The following SORD variants were observed in gnomAD, a reference collection of about 807,000 sequenced individuals.
SORD encodes the protein (R,R)-butanediol dehydrogenase.
SORD carries 18 observed loss-of-function variants against 35.6 expected under a neutral mutation model. The ratio of observed to expected loss-of-function variants is 0.51; its 90% CI spans 0.35 to 0.75. The LOEUF (loss-of-function observed/expected upper bound fraction) is 0.75. Ranked by LOEUF, SORD falls within the 30% of genes least tolerant of loss-of-function variation. The probability of loss-of-function intolerance (pLI) is 0.01; values close to 1 mark genes in which losing one functional copy is unlikely to be tolerated. For synonymous variants in SORD, 106 were observed against 152.9 expected, an observed-to-expected ratio of 0.69 and a Z score of 2.26; for missense variants, 250 against 390.2, an observed-to-expected ratio of 0.64 and a Z score of 3.03.
intron 3 of SORD, among the ~76,000 whole-genome samples, chr15:45,054,412 T>G (rs1375025398): frequency 1.3e-5 from 2 of 152,246 alleles, no homozygotes; most frequent in Admixed American, 1.3e-4. Context: ...TGAGCATCTT[T>G]TCATGTGTTT....
chr15:45,034,215 T>C (rs941499878), intron 1 of SORD, among the ~76,000 whole-genome samples: 2 of 152,000 alleles, frequency 1.3e-5, no homozygotes, highest in Admixed American at 6.6e-5. Flanking sequence ...AAGGAGGAAA[T>C]TGGGGCACAC....
intron 3 of SORD, among the ~76,000 whole-genome samples, chr15:45,053,163 TGAC>T (rs1228007782): frequency 6.6e-6 from 1 of 152,202 alleles, no homozygotes; most frequent in Admixed American, 6.5e-5. Context: ...CCGCTGATGA[TGAC>T]AAGTAAGGGA....
intron 3 of SORD, among the ~76,000 whole-genome samples, chr15:45,054,296 T>A (rs2058557531): frequency 6.6e-6 from 1 of 152,128 alleles, no homozygotes; most frequent in East Asian, 1.9e-4. Context: ...ACACATTCTC[T>A]CCAGCACCTG....
chr15:45,026,996 TA>T (rs145815326), intron 1 of SORD, among the ~76,000 whole-genome samples: 17 of 151,842 alleles, frequency 1.1e-4, no homozygotes, highest in African/African-American at 4.1e-4. Context: ...AACAAAAAAT[TA>T]AACTCCTCAC....
At chr15:45,061,813 G>C (rs1417271798) in intron 4 of SORD, among the ~76,000 whole-genome samples, 6 of 151,982 alleles carry the variant, frequency 3.9e-5, no homozygotes, top group Admixed American at 6.6e-5. Context: ...AGGTTGCAGT[G>C]AGCCGAGATG....
chr15:45,040,810 G>A (rs1892954470), intron 2 of SORD, among the ~76,000 whole-genome samples: 1 of 152,212 alleles, frequency 6.6e-6, no homozygotes, highest in Admixed American at 6.5e-5. Flanking sequence ...GTGGCCAAGT[G>A]TCCTAACCCT....
intron 1 of SORD, among the ~76,000 whole-genome samples, chr15:45,029,352 T>G (rs73421328): frequency 0.013 from 1,715 of 135,974 alleles, no homozygotes; most frequent in African/African-American, 0.053. Flanking sequence ...GCAAGCTTTT[T>G]CTTGGCCCCT....
chr15:45,031,637 T>G (rs1595495139), intron 1 of SORD, among the ~76,000 whole-genome samples: 1 of 152,382 alleles, frequency 6.6e-6, no homozygotes, highest in South Asian at 2.1e-4. Flanking sequence ...TAAAATTAAT[T>G]TTGGTGACAG....
At chr15:45,034,737 T>C (rs879544441) in intron 1 of SORD, among the ~76,000 whole-genome samples, 11 of 152,220 alleles carry the variant, frequency 7.2e-5, no homozygotes, top group Non-Finnish European at 1.6e-4. Flanking sequence ...TTGGCGGCAC[T>C]TGAGAAGCCC....
chr15:45,073,466 C>T lies in SORD; in HGVS notation c.1010C>T (p.Thr337Ile). 1.3e-6 allele frequency: 2 copies of T among 1,571,614 alleles called. No homozygotes were observed. Among genetic ancestry groups the T allele is most frequent in the South Asian group, 1.2e-5 (1 of 86,164 alleles). ...PLEKALEAFETFKKGLGLKIM... is the reference protein window; with the variant it reads ...PLEKALEAFEIFKKGLGLKIM... ...GAGAAAGCTCTGGAGGCCTTTGAAACATTTAAAAAGGGATTGGGGTTGAAA... is the reference window on the plus strand; with the variant it reads ...GAGAAAGCTCTGGAGGCCTTTGAAATATTTAAAAAGGGATTGGGGTTGAAA... The change falls in exon 9 of 9, where the codon ACA (threonine) becomes ATA (isoleucine). Residue 337 changes from threonine (T) to isoleucine (I), a missense_variant. Physicochemically the swap from Thr to Ile is moderately conservative, Grantham distance 89 (BLOSUM62 -1). This residue lies in a region of SORD where 17 missense variants were observed against 26.2 expected (regional missense o/e 0.65). Transcript: ENST00000267814.
At chr15:45,062,005 A>G (rs1451776860) in intron 4 of SORD, among the ~76,000 whole-genome samples, 1 of 151,976 alleles carries the variant, frequency 6.6e-6, no homozygotes, top group African/African-American at 2.4e-5. Context: ...CTGGCAAGTG[A>G]TTTTGGAGAA....
At chr15:45,034,619 T>C (rs1892830567) in intron 1 of SORD, among the ~76,000 whole-genome samples, 1 of 152,224 alleles carries the variant, frequency 6.6e-6, no homozygotes, top group Admixed American at 6.5e-5. Flanking sequence ...AGTGGGCTGG[T>C]AGGGCAGCGG....
rs1194520748 is a variant in SORD at position 45,068,938 on chromosome 15, C to T, written c.672C>T (p.Ile224=). Residue 224 remains isoleucine, a synonymous_variant, in exon 7 of 9, where the codon ATC becomes ATT. Transcript: ENST00000267814. Reference sequence around the variant, plus strand: ...TTGGGGCTGATTTAGTCCTCCAGATCTCCAAGGAGAGCCCTCAGGAAATCG... The same window carrying T: ...TTGGGGCTGATTTAGTCCTCCAGATTTCCAAGGAGAGCCCTCAGGAAATCG... ...KEIGADLVLQ[I]SKESPQEIAR... is the part of the protein sequence containing the mutation. The T allele has an allele frequency of 3.1e-6, 5 of 1,589,296 alleles. No homozygotes were observed. Among genetic ancestry groups the T allele is most frequent in the African/African-American group, 2.7e-5 (2 of 72,936 alleles).
chr15:45,034,837 G>A (rs1204145245), intron 1 of SORD, among the ~76,000 whole-genome samples: 3 of 152,254 alleles, frequency 2.0e-5, no homozygotes, highest in African/African-American at 7.2e-5. Context: ...TGTGGAGAGA[G>A]AGGCGCGAGC....
At chr15:45,038,124 C>CT (rs1892899614) in intron 1 of SORD, among the ~76,000 whole-genome samples, 1 of 145,322 alleles carries the variant, frequency 6.9e-6, no homozygotes, top group Non-Finnish European at 1.5e-5. Context: ...CCCTCGCATC[C>CT]TCCCTTCCTT....
intron 1 of SORD, among the ~76,000 whole-genome samples, chr15:45,030,933 A>C (rs1348288869): frequency 1.3e-5 from 2 of 152,270 alleles, no homozygotes; most frequent in African/African-American, 2.4e-5. Context: ...GACTCCGACC[A>C]GGAGCCCAGA....
chr15:45,065,416 G>A lies in SORD; in HGVS notation c.544+27G>A, dbSNP rs370903658. ...TAAGAAACAGAAGCCACCCTGTTGC[G>A]GGTTCATTGACTGGGAATTCAGGGA... On this transcript the variant is annotated intron_variant, in intron 5 of 8. Transcript: ENST00000267814. 295 of 1,575,462 alleles carry A rather than the reference G, an allele frequency of 1.9e-4. 1 individual carries two copies. Among genetic ancestry groups the A allele is most frequent in the Admixed American group, 8.2e-4 (43 of 52,344 alleles).
chr15:45,073,622 T>C lies in SORD; in HGVS notation c.*92T>C, dbSNP rs1893550499. Reference sequence around the variant, plus strand: ...GGGCTCTGATGCAGAACTTTCTCTTTTGAATGTTAAGAATAACTAATACAA... The same window carrying C: ...GGGCTCTGATGCAGAACTTTCTCTTCTGAATGTTAAGAATAACTAATACAA... On this transcript the variant is annotated 3_prime_UTR_variant, in exon 9 of 9. Transcript: ENST00000267814. 3.7e-6 allele frequency: 5 copies of C among 1,368,962 alleles called. No homozygotes were observed. The highest frequency in any genetic ancestry group is 4.8e-5 in the Admixed American group (2 of 42,098). 84.8% of individuals were successfully genotyped at this position (1,368,962 alleles called of 1,614,324 possible).
At chr15:45,044,272 G>T (rs1186338863) in intron 3 of SORD, among the ~76,000 whole-genome samples, 9 of 152,150 alleles carry the variant, frequency 5.9e-5, no homozygotes, top group Non-Finnish European at 1.3e-4. Flanking sequence ...GTGGGACAAA[G>T]TCTCTGACTA....
Sources: gnomAD v4.1 joint callset for allele counts (sites outside exome capture counted in the v4.1 genomes callset) on GRCh38, gnomAD v4.1.1 for gene constraint, gnomAD v4.1.1 regional missense constraint, MANE v1.5 for transcripts, NCBI Gene and HGNC (gene_info 2026-07-23, HGNC 2026-07-21) for gene names.